Variants in AXDND1 observed in about 807,000 individuals in gnomAD.
AXDND1 encodes axonemal dynein light chain domain-containing protein 1.
In AXDND1, 110 loss-of-function variants were observed where a neutral mutation model predicts 137.5. That is an observed-to-expected ratio of 0.80 (90% CI 0.69 to 0.94). The LOEUF (loss-of-function observed/expected upper bound fraction) is 0.94. Ranked by LOEUF, AXDND1 falls within the 40% of genes least tolerant of loss-of-function variation. The pLI, the probability that AXDND1 is intolerant of heterozygous loss-of-function variation, is 0.00. For missense variants in AXDND1, 1,191 were observed against 1,169.8 expected, an observed-to-expected ratio of 1.02 and a Z score of -0.26; for synonymous variants, 414 against 399.7, an observed-to-expected ratio of 1.04 and a Z score of -0.43.
At chr1:179,402,033 G>A (rs776196288) in intron 11 of AXDND1, among the ~76,000 whole-genome samples, 5 of 152,026 alleles carry the variant, frequency 3.3e-5, no homozygotes, top group East Asian at 3.9e-4. Context: ...TTAACTGTGC[G>A]TGGTGGCATG....
At chr1:179,422,764 C>G (rs962888352) in intron 12 of AXDND1, among the ~76,000 whole-genome samples, 3 of 151,918 alleles carry the variant, frequency 2.0e-5, no homozygotes, top group Non-Finnish European at 4.4e-5. Context: ...TTTTGTCTCT[C>G]CCCCTTTTTT....
chr1:179,399,397 C>T (rs920042791), intron 11 of AXDND1, among the ~76,000 whole-genome samples: 6 of 152,156 alleles, frequency 3.9e-5, no homozygotes, highest in African/African-American at 1.2e-4. Context: ...GATACCAGAT[C>T]CTCATCTCTC....
In AXDND1 at chr1:179,378,705, C is replaced by T. The variant is rs752014122; in HGVS notation, c.443C>T (p.Pro148Leu). The T allele has an allele frequency of 6.3e-7, 1 of 1,596,644 alleles. No homozygotes were observed. Among genetic ancestry groups the T allele is most frequent in the South Asian group, 1.1e-5 (1 of 87,520 alleles). ...GQTREKAVCP[P>L]HLARSLQSHD... The stretch of plus-strand genomic sequence containing the variant: ...ACTAGGGAGAAGGCAGTTTGTCCCC[C>T]ACATTTGGCCCGTTCATTACAGTCA... Residue 148 changes from proline (P) to leucine (L), a missense_variant, in exon 5 of 26, where the codon CCA becomes CTA. Coordinates refer to ENST00000367618, the MANE Select transcript of AXDND1 (RefSeq NM_144696.6).
At chr1:179,526,436 T>A (rs1189887745) in intron 22 of AXDND1, among the ~76,000 whole-genome samples, 2 of 152,162 alleles carry the variant, frequency 1.3e-5, no homozygotes, top group Non-Finnish European at 2.9e-5. Flanking sequence ...CAAAATCATA[T>A]AGCTGTAAGT....
chr1:179,434,589 C>G (rs750320918), intron 15 of AXDND1, among the ~76,000 whole-genome samples: 1 of 152,124 alleles, frequency 6.6e-6, no homozygotes, highest in Non-Finnish European at 1.5e-5. Flanking sequence ...TAAACAGAAC[C>G]AATGACAAAA....
chr1:179,408,138 T>G (rs1480283493), intron 11 of AXDND1, among the ~76,000 whole-genome samples: 2 of 152,200 alleles, frequency 1.3e-5, no homozygotes, highest in African/African-American at 4.8e-5. Context: ...TACCTGTCTC[T>G]GTTGAGTTTC....
chr1:179,512,775 T>A (rs182310635), intron 21 of AXDND1, among the ~76,000 whole-genome samples: 28 of 152,232 alleles, frequency 1.8e-4, no homozygotes, highest in African/African-American at 6.7e-4. Context: ...AGAGGTCTTT[T>A]GCCTCCTTGG....
In AXDND1 at chr1:179,370,058, C is replaced by G. The variant is rs1023468164; in HGVS notation, c.354C>G (p.Val118=). Reference sequence around the variant, plus strand: ...TCAAATACCTGATTGACCATCCCGTCTCCCTCACAGGAGCTGGAAGGTAAA... The same window carrying G: ...TCAAATACCTGATTGACCATCCCGTGTCCCTCACAGGAGCTGGAAGGTAAA... ...NKFKYLIDHP[V]SLTGAGRDIS... is the part of the protein sequence containing the mutation. Residue 118 remains valine (V), a synonymous_variant, in exon 4 of 26, where the codon GTC becomes GTG. Coordinates refer to ENST00000367618, the MANE Select transcript of AXDND1 (RefSeq NM_144696.6). The G allele has an allele frequency of 2.5e-5, 40 of 1,612,350 alleles. No homozygotes were observed. Among genetic ancestry groups the G allele is most frequent in the Admixed American group, 8.3e-5 (5 of 59,960 alleles).
rs190581931 is a variant in AXDND1, at chr1:179,420,062, A to G, written c.1230+8796A>G. Among the ~76,000 whole-genome samples the G allele has an allele frequency of 7.3e-4, 111 of 152,316 alleles. 1 individual carries two copies. Among genetic ancestry groups the G allele is most frequent in the Admixed American group, 4.2e-3 (65 of 15,308 alleles). ...CTTTAATTTTTCCCCATTCAGTACAATGTTAACTGTGGGTTTGCCATATAT... is the reference window on the plus strand; with the variant it reads ...CTTTAATTTTTCCCCATTCAGTACAGTGTTAACTGTGGGTTTGCCATATAT... On this transcript the variant is annotated intron_variant, in intron 12 of 25. Transcript: ENST00000367618.
At chr1:179,428,539 G>T (rs989694850) in intron 12 of AXDND1, among the ~76,000 whole-genome samples, 1 of 152,268 alleles carries the variant, frequency 6.6e-6, no homozygotes, top group African/African-American at 2.4e-5. Context: ...CTTGTGGGGG[G>T]CAGGAGGCCT....
chr1:179,402,446 C>G (rs1652242213), intron 11 of AXDND1, among the ~76,000 whole-genome samples: 1 of 152,144 alleles, frequency 6.6e-6, no homozygotes, highest in South Asian at 2.1e-4. Context: ...CCACATCTAT[C>G]CACCCACCTG....
chr1:179,366,520 C>G lies in AXDND1; in HGVS notation c.11C>G (p.Pro4Arg). The G allele has an allele frequency of 6.2e-7, 1 of 1,612,736 alleles. No homozygotes were observed. The highest frequency in any genetic ancestry group is 8.5e-7 in the Non-Finnish European group (1 of 1,178,958). Residue 4 changes from proline to arginine, a missense_variant, in exon 2 of 26, where the codon CCG becomes CGG. Coordinates refer to ENST00000367618, the MANE Select transcript of AXDND1 (RefSeq NM_144696.6). Reference protein sequence around the residue: MSLPKTPSTPLNST... With the variant: MSLRKTPSTPLNST... ...GAGGCATTGTTTATTATGTCTCTCC[C>G]GAAAACGCCCTCCACCCCGCTAAAC...
chr1:179,527,715 A>T (rs770550728), intron 22 of AXDND1, among the ~76,000 whole-genome samples: 22 of 152,212 alleles, frequency 1.4e-4, no homozygotes, highest in Non-Finnish European at 2.5e-4. Context: ...ATTTCTAGTA[A>T]ACTGCTTTTA....
intron 20 of AXDND1, among the ~76,000 whole-genome samples, chr1:179,500,337 ATGTGTGTGTGTGTGTGTGTG>A (rs57654195): frequency 5.2e-5 from 7 of 133,886 alleles, no homozygotes; most frequent in Admixed American, 3.0e-4. Flanking sequence ...AGGGTACATT[ATGTGTGTGTGTGTGTGTGTG>A]TGTGTGTGTG....
chr1:179,485,653 C>G (rs1452076321), intron 18 of AXDND1, among the ~76,000 whole-genome samples: 2 of 152,128 alleles, frequency 1.3e-5, no homozygotes, highest in South Asian at 4.1e-4. Flanking sequence ...CACCTCCAAA[C>G]GACCACACTG....
Position 179,517,738 on chromosome 1 carries a change from G to A in AXDND1, c.2497-7596G>A, listed in dbSNP as rs149931158. 3.7e-3 allele frequency among the ~76,000 whole-genome samples: 568 copies of A among 152,378 alleles called. 4 individuals are homozygous for A. Among genetic ancestry groups the A allele is most frequent in the African/African-American group, 0.013 (551 of 41,590 alleles). On this transcript the variant is annotated intron_variant, in intron 21 of 25. Coordinates refer to ENST00000367618, the MANE Select transcript of AXDND1 (RefSeq NM_144696.6). Reference sequence around the variant, plus strand: ...CCTTCAGTTTCCCCAGTGGGGGTGTGTTTGGGAGTGGAGGGTCTCCCTTTC... The same window carrying A: ...CCTTCAGTTTCCCCAGTGGGGGTGTATTTGGGAGTGGAGGGTCTCCCTTTC...
intron 16 of AXDND1, among the ~76,000 whole-genome samples, chr1:179,460,079 C>G (rs191048805): frequency 4.0e-5 from 6 of 148,724 alleles, no homozygotes; most frequent in Non-Finnish European, 8.9e-5. Context: ...TTCTAGGGTA[C>G]ATGTGCACAA....
chr1:179,487,001 C>T (rs920688744), intron 18 of AXDND1, among the ~76,000 whole-genome samples: 1 of 148,264 alleles, frequency 6.7e-6, no homozygotes, highest in African/African-American at 2.6e-5. Context: ...GCTAAATGCC[C>T]CAATTAAAAG....
Position 179,418,937 on chromosome 1 carries a change from C to T in AXDND1, c.1230+7671C>T, listed in dbSNP as rs983577177. Among the ~76,000 whole-genome samples, 303 of 151,502 alleles carry T rather than the reference C, an allele frequency of 2.0e-3. 4 individuals are homozygous for T. Among genetic ancestry groups the T allele is most frequent in the Admixed American group, 3.7e-3 (57 of 15,254 alleles). On this transcript the variant is annotated intron_variant, in intron 12 of 25. Transcript: ENST00000367618. ...GCAGAGACGCTCCTCACCTCCCAGA[C>T]GGGGTCGCCGCCGGGCAGAGGCGCT...
Sources: gnomAD v4.1 joint callset for allele counts (sites outside exome capture counted in the v4.1 genomes callset) on GRCh38, gnomAD v4.1.1 for gene constraint, MANE v1.5 for transcripts, NCBI Gene and HGNC (gene_info 2026-07-23, HGNC 2026-07-21) for gene names.